The following LILRB5 variants were observed in gnomAD, a reference collection of about 807,000 sequenced individuals.
LILRB5 encodes the protein leukocyte immunoglobulin like receptor B5, also known as leukocyte immunoglobulin-like receptor subfamily B member 5.
Under a neutral mutation model 68.4 loss-of-function variants are expected in LILRB5, and 61 were observed. The ratio of observed to expected loss-of-function variants is 0.89; its 90% confidence interval spans 0.73 to 1.10. LILRB5 has a LOEUF of 1.10. Ranked by LOEUF, LILRB5 falls within the 50% of genes least tolerant of loss-of-function variation. The pLI is 0.00. For synonymous variants in LILRB5, 356 were observed against 315.8 expected, an observed-to-expected ratio of 1.13 and a Z score of -1.35; for missense variants, 771 against 751.6, an observed-to-expected ratio of 1.03 and a Z score of -0.30.
chr19:54,251,781 T>A, intron 12 of LILRB5: 1 of 679,496 alleles, frequency 1.5e-6, no homozygotes, highest in South Asian at 1.6e-5. Context: ...GTCGGTTCAT[T>A]TATTCCTCAT....
chr19:54,252,623 A>C, intron 9 of LILRB5, 74 bp from the exon 10 acceptor site: 1 of 1,549,740 alleles, frequency 6.5e-7, no homozygotes, highest in Non-Finnish European at 8.8e-7. Flanking sequence ...ACTCGAGCGG[A>C]AAGAAGGAAA....
At chr19:54,253,109 G>T in intron 8 of LILRB5, 122 bp from the exon 9 acceptor site, 2 of 424,332 alleles carry the variant, frequency 4.7e-6, no homozygotes, top group South Asian at 4.9e-5. Flanking sequence ...TGCAACATGG[G>T]ATTGCCAACC....
At chr19:54,254,552 G>T (rs906119135) in intron 6 of LILRB5, 137 bp from the exon 7 acceptor site, 14 of 1,265,002 alleles carry the variant, frequency 1.1e-5, no homozygotes, top group Middle Eastern at 1.9e-4. Context: ...ATGGGGCCAA[G>T]TGTGGGCATG....
Position 54,254,816 on chromosome 19 carries a change from T to C in LILRB5, c.1174A>G (p.Thr392Ala). ...CTGATTGCGCTGTAGCATCGGTAGG[T>C]TCCACCCTGGGCTGAGGTCACAGGA... ...MSPVTSAQGG[T>A]YRCYSAIRSY... is the part of the protein sequence containing the mutation. The change falls in exon 6 of 13, where the codon ACC becomes GCC. Residue 392 changes from threonine to alanine, a missense_variant. Transcript: ENST00000449561. 1 of 1,614,036 alleles carries C rather than the reference T, an allele frequency of 6.2e-7. No homozygotes were observed. The highest frequency in any genetic ancestry group is 8.5e-7 in the Non-Finnish European group (1 of 1,179,970).
chr19:54,257,064 CCTCTGATAGACCAGATT>C lies in LILRB5; in HGVS notation c.34+79_35-69del, dbSNP rs1369787847. 4.3e-5 allele frequency: 70 copies of C among 1,613,900 alleles called. No homozygotes were observed. In the African/African-American group the frequency reaches 5.2e-4, roughly 12 times the overall value. ...CAGCAGTTCCTCTCCTCCCTCGGAG[CCTCTGATAGACCAGATT>C]CTCTGATAGACCAGAGCCTCGCTTT... On this transcript the variant is annotated intron_variant, in intron 1 of 12. Transcript: ENST00000449561.
chr19:54,254,720 G>T lies in LILRB5; in HGVS notation c.1255+15C>A. 6.2e-7 allele frequency: 1 copy of T among 1,613,568 alleles called. No homozygotes were observed. The highest frequency in any genetic ancestry group is 8.5e-7 in the Non-Finnish European group (1 of 1,179,674). ...GAGCCTTTGAGCTTGGACAGGACAG[G>T]GTCAGGGCCCTCACCTGAGACCACG... On this transcript the variant is annotated intron_variant, in intron 6 of 12. Coordinates refer to ENST00000449561, the MANE Select transcript of LILRB5 (RefSeq NM_001081442.3).
chr19:54,254,298 G>A (rs1054057474), intron 7 of LILRB5, 67 bp downstream of exon 7: 25 of 1,518,192 alleles, frequency 1.6e-5, no homozygotes, highest in East Asian at 4.9e-5. Context: ...TAGGATCCTC[G>A]GGGAGACTCA....
chr19:54,252,203 A>T, intron 11 of LILRB5, 97 bp from the exon 12 acceptor site: 1 of 1,501,328 alleles, frequency 6.7e-7, no homozygotes. Flanking sequence ...GGTGGCTGAG[A>T]TCCAGGGAGG....
Position 54,254,822 on chromosome 19 carries a change from C to T in LILRB5, c.1168G>A (p.Gly390Ser). The T allele has an allele frequency of 6.2e-7, 1 of 1,614,132 alleles. No homozygotes were observed. Among genetic ancestry groups the T allele is most frequent in the Middle Eastern group, 1.6e-4 (1 of 6,062 alleles). ...FSMSPVTSAQ[G>S]GTYRCYSAIR... ...GCGCTGTAGCATCGGTAGGTTCCACCCTGGGCTGAGGTCACAGGACTCATG... is the reference window on the plus strand; with the variant it reads ...GCGCTGTAGCATCGGTAGGTTCCACTCTGGGCTGAGGTCACAGGACTCATG... Residue 390 changes from glycine to serine, a missense_variant, in exon 6 of 13, where the codon GGT (glycine) becomes AGT (serine). By Grantham distance (56) the Gly-to-Ser change is moderately conservative (BLOSUM62 0). Transcript: ENST00000449561.
rs769020351 is a variant in LILRB5, at chr19:54,252,409, G to A, written c.1539-6C>T. ...TGTCAGCAACTGGGCTGGCCCTGGG[G>A]GAGGACACGGGAGTGTGAGGGGCAG... On this transcript the variant is annotated splice_polypyrimidine_tract_variant and splice_region_variant and intron_variant, in intron 10 of 12. Transcript: ENST00000449561. 8 of 1,614,172 alleles carry A rather than the reference G, an allele frequency of 5.0e-6. No individual in the cohort carries two copies. The highest frequency in any genetic ancestry group is 3.3e-4 in the Middle Eastern group (2 of 6,050).
Position 54,256,069 on chromosome 19 carries a change from C to T in LILRB5, c.629G>A (p.Ser210Asn). The T allele has an allele frequency of 1.3e-6, 2 of 1,554,984 alleles. No homozygotes were observed. Among genetic ancestry groups the T allele is most frequent in the Middle Eastern group, 1.7e-4 (1 of 5,746 alleles). The change falls in exon 4 of 13, where the codon AGT becomes AAT. Residue 210 changes from serine (S) to asparagine (N), a missense_variant. By Grantham distance (46) the Ser-to-Asn change is conservative. Transcript: ENST00000449561. ...RKNPQVWSNP[S>N]DLLEILVPGV... The stretch of plus-strand genomic sequence containing the variant: ...TGGGACCAGAATCTCCAGGAGGTCA[C>T]TGGGGTTCGACCACACCTGAGGGTT...
rs568620858 is a variant in LILRB5 at position 54,251,466 on chromosome 19, G to A, written c.1630-534C>T. 1,523 of 529,434 alleles carry A rather than the reference G, an allele frequency of 2.9e-3. 14 individuals carry two copies. The highest frequency in any genetic ancestry group is 0.019 in the East Asian group (610 of 31,776). 32.8% of individuals were successfully genotyped at this position (529,434 alleles called of 1,614,324 possible). ...GCAGGGGCTCGTCCATCAGAGGATC[G>A]TGTGCCCCACTCTGTCCAGGCTTCT... On this transcript the variant is annotated intron_variant, in intron 12 of 12. Coordinates refer to ENST00000449561, the MANE Select transcript of LILRB5 (RefSeq NM_001081442.3).
intron 4 of LILRB5, 88 bp downstream of exon 4, chr19:54,255,955 G>A (rs1173844768): frequency 4.6e-6 from 5 of 1,095,660 alleles, no homozygotes; most frequent in African/African-American, 1.6e-5. Flanking sequence ...TCCTTCTGGG[G>A]TCCTTGCCAT....
chr19:54,254,776 A>G lies in LILRB5; in HGVS notation c.1214T>C (p.Leu405Pro), dbSNP rs1448441936. The G allele has an allele frequency of 6.2e-7, 1 of 1,613,982 alleles. No individual in the cohort carries two copies. Among genetic ancestry groups the G allele is most frequent in the Non-Finnish European group, 8.5e-7 (1 of 1,179,984 alleles). The change falls in exon 6 of 13, where the codon CTG becomes CCG. Residue 405 changes from leucine (L) to proline (P), a missense_variant. Physicochemically the swap from Leu to Pro is moderately conservative, Grantham distance 98. Transcript: ENST00000449561. ...CTGGGGGTAACTAGGGCTGGACAGC[A>G]GGTAGGGGTAGGACCTGATTGCGCT... ...CYSAIRSYPYLLSSPSYPQEL... is the reference protein window; with the variant it reads ...CYSAIRSYPYPLSSPSYPQEL...
At chr19:54,254,192 C>CA in intron 7 of LILRB5, 124 bp from the exon 8 acceptor site, 1 of 1,498,262 alleles carries the variant, frequency 6.7e-7, no homozygotes, top group South Asian at 1.3e-5. Context: ...CGCCCCCTCA[C>CA]CGGCCCAGCC....
intron 9 of LILRB5, 87 bp from the exon 10 acceptor site, chr19:54,252,636 T>C (rs2078997974): frequency 1.4e-6 from 2 of 1,479,074 alleles, no homozygotes; most frequent in South Asian, 2.3e-5. Flanking sequence ...GAAGGAAACC[T>C]GGAGGCCCAC....
In LILRB5 at chr19:54,256,634, CTT is replaced by C; in HGVS notation, c.208_209del (p.Lys70GlufsTer21). On this transcript the variant is annotated frameshift_variant, in exon 3 of 13. Coordinates refer to ENST00000449561, the MANE Select transcript of LILRB5 (RefSeq NM_001081442.3). LOFTEE classifies it high-confidence loss of function. ...CTCCAGGCTCCAGTGGGTTCTGTCT[CTT>C]CCGGGCCCATGGGAGTCCCTCCTTA... is the stretch of plus-strand genomic sequence containing the variant. ...LDKEGLPWARKRQNPLEPGAK... is the reference protein window; with the variant it reads ...LDKEGLPWARXRQNPLEPGAK... 1 of 1,614,170 alleles carries C rather than the reference CTT, an allele frequency of 6.2e-7. No individual in the cohort carries two copies. The highest frequency in any genetic ancestry group is 1.1e-5 in the South Asian group (1 of 91,086).
rs1021238360 is a variant in LILRB5, at chr19:54,250,714, G to C, written c.*72C>G. Reference sequence around the variant, plus strand: ...GGCTGGGGTTCATTGGTGTCCACTGGGGGCAGCTCCTGTGCCTTCTGGAGT... The same window carrying C: ...GGCTGGGGTTCATTGGTGTCCACTGCGGGCAGCTCCTGTGCCTTCTGGAGT... On this transcript the variant is annotated 3_prime_UTR_variant, in exon 13 of 13. Coordinates refer to ENST00000449561, the MANE Select transcript of LILRB5 (RefSeq NM_001081442.3). 6.3e-7 allele frequency: 1 copy of C among 1,594,790 alleles called. No homozygotes were observed. The highest frequency in any genetic ancestry group is 1.3e-5 in the African/African-American group (1 of 74,390).
At position 54,254,426 on chromosome 19, in the gene LILRB5, G is replaced by T; in HGVS notation, c.1256-11C>A. The T allele has an allele frequency of 6.3e-7, 1 of 1,580,246 alleles. No homozygotes were observed. The highest frequency in any genetic ancestry group is 1.8e-5 in the Admixed American group (1 of 54,616). On this transcript the variant is annotated splice_polypyrimidine_tract_variant and intron_variant, in intron 6 of 12. Transcript: ENST00000449561. ...GATCCCCAGAGGGTCCTGGGAATAA[G>T]CACAGAAAGGGAGCGAGGCGCTTTG...
Sources: allele counts gnomAD v4.1 joint callset, GRCh38; gene constraint gnomAD v4.1.1; transcripts MANE v1.5; gene names NCBI Gene and HGNC (gene_info 2026-07-23, HGNC 2026-07-21).